Variants in CDH13 observed in about 807,000 individuals in gnomAD.
CDH13 encodes cadherin-13.
CDH13 carries 24 observed loss-of-function variants against 63.8 expected under a neutral mutation model. The ratio of observed to expected loss-of-function variants is 0.38; its 90% CI spans 0.27 to 0.53. CDH13 has a LOEUF of 0.53. Among genes scored for constraint, CDH13 ranks in the 20% least tolerant of loss-of-function variants. The pLI is 0.85. For missense variants in CDH13, 1,049 were observed against 903.1 expected, an observed-to-expected ratio of 1.16 and a Z score of -2.07; for synonymous variants, 503 against 355.3, an observed-to-expected ratio of 1.42 and a Z score of -4.67.
At chr16:83,627,948 T>A (rs1910462462) in intron 8 of CDH13, among the ~76,000 whole-genome samples, 1 of 152,154 alleles carries the variant, frequency 6.6e-6, no homozygotes, top group Non-Finnish European at 1.5e-5. Flanking sequence ...TTCCCAGGGC[T>A]TTTTAGACCG....
chr16:83,541,546 T>G (rs1292715121), intron 7 of CDH13, among the ~76,000 whole-genome samples: 1 of 152,194 alleles, frequency 6.6e-6, no homozygotes, highest in Non-Finnish European at 1.5e-5. Flanking sequence ...AAACAGACAA[T>G]GGAATTTGGT....
intron 6 of CDH13, among the ~76,000 whole-genome samples, chr16:83,428,270 C>G (rs1377506430): frequency 6.6e-6 from 1 of 152,030 alleles, no homozygotes; most frequent in Non-Finnish European, 1.5e-5. Context: ...AAACAGCAGG[C>G]AGCAAAAACA....
At chr16:82,774,810 C>T (rs2151102592) in intron 1 of CDH13, among the ~76,000 whole-genome samples, 1 of 152,296 alleles carries the variant, frequency 6.6e-6, no homozygotes, top group South Asian at 2.1e-4. Context: ...GCCCCCTGGT[C>T]AGGGTGTGTT....
At position 82,675,785 on chromosome 16, in the gene CDH13, C is replaced by G. The variant is rs776143857; in HGVS notation, c.45+48648C>G. Among the ~76,000 whole-genome samples the G allele has an allele frequency of 2.8e-4, 43 of 152,168 alleles. 1 individual carries two copies. The highest frequency in any genetic ancestry group is 1.2e-4 in the Non-Finnish European group (8 of 68,046). On this transcript the variant is annotated intron_variant, in intron 1 of 13. Transcript: ENST00000567109. ...CCAGTCCAGCCTTTGTGACCTCTGC[C>G]TTTAACACAAACACCTTGTTTAAAA...
At chr16:82,997,035 GTGA>G (rs545023709) in intron 2 of CDH13, among the ~76,000 whole-genome samples, 39 of 121,690 alleles carry the variant, frequency 3.2e-4, no homozygotes, top group Middle Eastern at 8.5e-3. Context: ...GGTGATGGTG[GTGA>G]TGATGATGAT....
chr16:83,431,737 C>G (rs1174232783), intron 6 of CDH13, among the ~76,000 whole-genome samples: 2 of 152,068 alleles, frequency 1.3e-5, no homozygotes, highest in African/African-American at 4.8e-5. Flanking sequence ...CTCATAAGAA[C>G]TCACTCTCAT....
intron 10 of CDH13, among the ~76,000 whole-genome samples, chr16:83,743,629 C>T (rs1166637559): frequency 6.6e-6 from 1 of 151,976 alleles, no homozygotes. Context: ...GTTGAGTAAT[C>T]AGGCAATAGA....
chr16:83,058,379 GTGTT>G (rs2031171203), intron 3 of CDH13, among the ~76,000 whole-genome samples: 3 of 152,328 alleles, frequency 2.0e-5, no homozygotes, highest in African/African-American at 7.2e-5. Flanking sequence ...TTCAAGAAAA[GTGTT>G]TGTTCTTCTC....
intron 5 of CDH13, among the ~76,000 whole-genome samples, chr16:83,308,815 G>C (rs972141036): frequency 6.6e-6 from 1 of 152,244 alleles, no homozygotes; most frequent in African/African-American, 2.4e-5. Context: ...GGGAGCCTGA[G>C]AATCTTTGCA....
Position 83,093,750 on chromosome 16 carries a change from A to C in CDH13, c.367-31635A>C, listed in dbSNP as rs144295114. 7.0e-4 allele frequency among the ~76,000 whole-genome samples: 106 copies of C among 152,290 alleles called. 2 individuals are homozygous for C. In the East Asian group the frequency reaches 0.019, roughly 27 times the overall value. On this transcript the variant is annotated intron_variant, in intron 3 of 13. Transcript: ENST00000567109. ...CTTGTACCTCCACTCCCTTCTTCTC[A>C]GTCCTTTGTCCAAGGAATTCTTCCC...
chr16:82,811,665 T>A (rs548955636), intron 1 of CDH13, among the ~76,000 whole-genome samples: 229 of 152,150 alleles, frequency 1.5e-3, no homozygotes, highest in Middle Eastern at 3.4e-3. Flanking sequence ...AACTAGAAGG[T>A]GATAGCAGTA....
chr16:82,761,013 CTTTCTTTT>C (rs2034819050), intron 1 of CDH13, among the ~76,000 whole-genome samples: 1 of 43,576 alleles, frequency 2.3e-5, no homozygotes, highest in African/African-American at 6.4e-5. Flanking sequence ...ACATTTCTTT[CTTTCTTTT>C]TTTTTTTTTT....
chr16:83,666,691 C>G (rs139587700), intron 8 of CDH13, among the ~76,000 whole-genome samples: 59 of 152,294 alleles, frequency 3.9e-4, no homozygotes, highest in African/African-American at 1.3e-3. Context: ...CTGGCCTTTG[C>G]TCTTCCTCTT....
At chr16:83,493,859 G>A (rs773702975) in intron 7 of CDH13, among the ~76,000 whole-genome samples, 1 of 152,328 alleles carries the variant, frequency 6.6e-6, no homozygotes, top group African/African-American at 2.4e-5. Flanking sequence ...AAGTTCAGGC[G>A]TTTTGGAGAC....
Position 83,486,355 on chromosome 16 carries a change from C to G in CDH13, c.782-122C>G, listed in dbSNP as rs12919249. On this transcript the variant is annotated intron_variant, in intron 6 of 13. Transcript: ENST00000567109. ...ATAGCAAAGCTTGGGAAATACTTTT[C>G]TTTTTTAATTTGGAAAGTGATGGGC... 1.6e-3 allele frequency: 1,063 copies of G among 675,668 alleles called. 10 individuals are homozygous for G. The African/African-American group carries it at 0.017, about 11-fold the overall frequency. The allele number at this position is 675,668 out of a possible 1,614,324, so 41.9% of individuals were successfully genotyped here. A position where few individuals can be genotyped will look rare whatever the true frequency, so the allele number is the denominator to read the frequency against.
chr16:83,424,455 A>G (rs1377872235), intron 6 of CDH13, among the ~76,000 whole-genome samples: 1 of 152,196 alleles, frequency 6.6e-6, no homozygotes, highest in Non-Finnish European at 1.5e-5. Context: ...TGGATTTATG[A>G]AGGCCTTGCC....
intron 7 of CDH13, among the ~76,000 whole-genome samples, chr16:83,562,603 C>T (rs1355496601): frequency 6.6e-6 from 1 of 152,146 alleles, no homozygotes. Context: ...TAAAACATAT[C>T]TTAAGTGAAT....
intron 1 of CDH13, among the ~76,000 whole-genome samples, chr16:82,785,128 G>A (rs182576848): frequency 1.2e-3 from 186 of 152,266 alleles, no homozygotes; most frequent in African/African-American, 4.1e-3. Flanking sequence ...GTCTTTCAGG[G>A]GAGAGACGGG....
chr16:83,475,079 G>A (rs1487884397), intron 6 of CDH13, among the ~76,000 whole-genome samples: 1 of 152,232 alleles, frequency 6.6e-6, no homozygotes, highest in Non-Finnish European at 1.5e-5. Context: ...TGCGTGATTT[G>A]CAGAGCCCAT....
Sources: allele counts gnomAD v4.1 joint callset (sites outside exome capture counted in the v4.1 genomes callset), GRCh38; gene constraint gnomAD v4.1.1; transcripts MANE v1.5; gene names NCBI Gene and HGNC (gene_info 2026-07-23, HGNC 2026-07-21).